Variants in ABR observed in about 807,000 individuals in gnomAD.
ABR encodes the protein active breakpoint cluster region-related protein.
A neutral mutation model predicts 107.2 loss-of-function variants in ABR; 35 were observed. That is an observed-to-expected ratio of 0.33 (90% CI 0.25 to 0.43). The LOEUF (loss-of-function observed/expected upper bound fraction) is 0.43. Among genes scored for constraint, ABR ranks in the 20% least tolerant of loss-of-function variants. The pLI, the probability that ABR is intolerant of heterozygous loss-of-function variation, is 1.00. For missense variants in ABR, 815 were observed against 1,115.2 expected (o/e 0.73, Z 3.83); for synonymous variants, 498 against 462.0 (o/e 1.08, Z -1.00).
At chr17:1,102,279 T>C (rs890149346) in intron 2 of ABR, among the ~76,000 whole-genome samples, 8 of 152,168 alleles carry the variant, frequency 5.3e-5, no homozygotes, top group African/African-American at 1.9e-4. Context: ...TGAGGCATCG[T>C]GGCCACAGAA....
intron 9 of ABR, among the ~76,000 whole-genome samples, chr17:1,068,179 C>T (rs771126443): frequency 3.9e-5 from 6 of 152,228 alleles, no homozygotes; most frequent in Admixed American, 1.3e-4. Context: ...GTGATCCACC[C>T]GCCTTGGCCT....
chr17:1,140,946 C>G (rs2040261152), intron 1 of ABR, among the ~76,000 whole-genome samples: 1 of 151,902 alleles, frequency 6.6e-6, no homozygotes, highest in African/African-American at 2.4e-5. Flanking sequence ...AGCACTCCAG[C>G]CTGGGTGACA....
chr17:1,072,866 T>C, intron 7 of ABR, 112 bp from the exon 8 acceptor site: 1 of 1,357,086 alleles, frequency 7.4e-7, no homozygotes. Context: ...ACCTGCCTAA[T>C]TCCCGCAAAA....
chr17:1,082,047 G>A (rs914316553), intron 5 of ABR, among the ~76,000 whole-genome samples: 6 of 150,688 alleles, frequency 4.0e-5, no homozygotes, highest in South Asian at 2.1e-4. Flanking sequence ...CGTGGGCATC[G>A]ACCGTCACCC....
intron 2 of ABR, among the ~76,000 whole-genome samples, chr17:1,104,751 T>C (rs528198596): frequency 2.6e-5 from 4 of 152,350 alleles, no homozygotes; most frequent in Non-Finnish European, 5.9e-5. Context: ...GCTGCTTCCT[T>C]GGCAGAATTT....
intron 7 of ABR, among the ~76,000 whole-genome samples, chr17:1,073,014 T>C (rs747031455): frequency 1.3e-5 from 2 of 151,850 alleles, no homozygotes; most frequent in Non-Finnish European, 2.9e-5. Context: ...ACCCCATCTC[T>C]AGTAAAAATA....
In ABR at chr17:1,005,856, T is replaced by C; in HGVS notation, c.*224A>G. 3 of 593,462 alleles carry C rather than the reference T, an allele frequency of 5.1e-6. No individual in the cohort carries two copies. Among genetic ancestry groups the C allele is most frequent in the African/African-American group, 1.9e-5 (1 of 53,642 alleles). 36.8% of individuals were successfully genotyped at this position (593,462 alleles called of 1,614,324 possible). ...ACGGAGCATCAGACACAACTAGAGG[T>C]ATGGAGGGCAGGAGGTGGGATGCGG... On this transcript the variant is annotated 3_prime_UTR_variant, in exon 23 of 23. Coordinates refer to ENST00000302538, the MANE Select transcript of ABR (RefSeq NM_021962.5).
At chr17:1,015,944 G>C (rs1011363052) in intron 16 of ABR, among the ~76,000 whole-genome samples, 6 of 152,124 alleles carry the variant, frequency 3.9e-5, no homozygotes, top group African/African-American at 1.4e-4. Flanking sequence ...AGATGTGCAG[G>C]TGCTGTGGCT....
At chr17:1,177,509 T>G (rs1170513392) in intron 1 of ABR, among the ~76,000 whole-genome samples, 1 of 152,210 alleles carries the variant, frequency 6.6e-6, no homozygotes, top group Non-Finnish European at 1.5e-5. Context: ...AATTCCCTTT[T>G]CTGGCATTCC....
At chr17:1,091,206 C>T (rs2151295511) in intron 4 of ABR, among the ~76,000 whole-genome samples, 1 of 152,308 alleles carries the variant, frequency 6.6e-6, no homozygotes, top group South Asian at 2.1e-4. Flanking sequence ...GGCATGTGCC[C>T]CTCTGTTCAC....
At chr17:1,045,673 T>G (rs2031475300) in intron 16 of ABR, among the ~76,000 whole-genome samples, 1 of 152,218 alleles carries the variant, frequency 6.6e-6, no homozygotes, top group East Asian at 1.9e-4. Context: ...ATGGAAGCAT[T>G]TAGCACCGTG....
chr17:1,022,068 C>G (rs1432752298), intron 16 of ABR, among the ~76,000 whole-genome samples: 1 of 138,832 alleles, frequency 7.2e-6, no homozygotes, highest in South Asian at 2.4e-4. Context: ...GATAGCACCA[C>G]TGCACTCCAG....
At chr17:1,008,290 G>C (rs943363520) in intron 21 of ABR, among the ~76,000 whole-genome samples, 5 of 152,226 alleles carry the variant, frequency 3.3e-5, no homozygotes, top group African/African-American at 1.2e-4. Context: ...ATGTTTCTGG[G>C]CTGAGACCCA....
chr17:1,037,115 C>T lies in ABR; in HGVS notation c.1791+12935G>A, dbSNP rs545313669. 6.6e-6 allele frequency among the ~76,000 whole-genome samples: 1 copy of T among 151,584 alleles called. No homozygotes were observed. Among genetic ancestry groups the T allele is most frequent in the Non-Finnish European group, 1.5e-5 (1 of 67,954 alleles). On this transcript the variant is annotated intron_variant, in intron 16 of 22. Transcript: ENST00000302538. The surrounding 1 kb of genome is among the most constrained non-coding windows in gnomAD (Gnocchi z 4.6). Reference sequence around the variant, plus strand: ...TCCATCCATCCATCCATCCACCCACCCACCCATCCATCCAGGTGGGGCTGG... The same window carrying T: ...TCCATCCATCCATCCATCCACCCACTCACCCATCCATCCAGGTGGGGCTGG...
chr17:1,109,141 G>A (rs1208827383), intron 2 of ABR: 1 of 1,494,820 alleles, frequency 6.7e-7, no homozygotes, highest in Non-Finnish European at 8.9e-7. Flanking sequence ...GGAGGAGGGA[G>A]GAGGCGGGCG....
intron 5 of ABR, among the ~76,000 whole-genome samples, chr17:1,081,030 G>A (rs548082709): frequency 6.6e-6 from 1 of 152,272 alleles, no homozygotes; most frequent in East Asian, 1.9e-4. Flanking sequence ...GCTGTGAGGG[G>A]CTTATGGTTG....
chr17:1,126,774 G>C (rs1597909117), intron 1 of ABR, among the ~76,000 whole-genome samples: 1 of 152,162 alleles, frequency 6.6e-6, no homozygotes, highest in African/African-American at 2.4e-5. Context: ...CTGCCCCTTT[G>C]TCCTTGAGCC....
chr17:1,169,573 T>C (rs1478275688), intron 1 of ABR, among the ~76,000 whole-genome samples: 1 of 152,058 alleles, frequency 6.6e-6, no homozygotes, highest in Non-Finnish European at 1.5e-5. Flanking sequence ...ACACAGGCCT[T>C]CCCCAGGGGC....
At position 1,210,936 on chromosome 17, in the gene ABR, ACT is replaced by A. The variant is rs2042889330; in HGVS notation, c.838+17855_838+17856del. ...TCAAGCACTTGGCAAAGCCTGCCAA[ACT>A]CTGGGGTGCTGGACTGGCTGCTGAA... On this transcript the variant is annotated intron_variant, in intron 1 of 22. Transcript: ENST00000574139. The surrounding 1 kb of genome is among the most constrained non-coding windows in gnomAD (Gnocchi z 5.6). Among the ~76,000 whole-genome samples, 1 of 152,056 alleles carries A rather than the reference ACT, an allele frequency of 6.6e-6. No individual in the cohort carries two copies. Among genetic ancestry groups the A allele is most frequent in the African/African-American group, 2.4e-5 (1 of 41,404 alleles).
Sources: allele counts gnomAD v4.1 joint callset (sites outside exome capture counted in the v4.1 genomes callset), GRCh38; gene constraint gnomAD v4.1.1; non-coding constraint Gnocchi (gnomAD v3.1); transcripts MANE v1.5; gene names NCBI Gene and HGNC (gene_info 2026-07-23, HGNC 2026-07-21).